The following PIWIL2 variants were observed in gnomAD, a reference collection of about 807,000 sequenced individuals.
PIWIL2 encodes the protein piwi-like protein 2.
A neutral mutation model predicts 116.5 loss-of-function variants in PIWIL2; 81 were observed. That is an observed-to-expected ratio of 0.70 (90% confidence interval 0.58 to 0.84). The LOEUF is 0.84. Ranked by LOEUF, PIWIL2 falls within the 40% of genes least tolerant of loss-of-function variation. The probability of loss-of-function intolerance (pLI) is 0.00; values close to 1 mark genes in which losing one functional copy is unlikely to be tolerated. For synonymous variants in PIWIL2, 489 were observed against 429.5 expected (o/e 1.14, Z -1.71); for missense variants, 1,272 against 1,212.3 (o/e 1.05, Z -0.73).
At chr8:22,346,254 G>C (rs1586598276) in intron 20 of PIWIL2, among the ~76,000 whole-genome samples, 1 of 152,096 alleles carries the variant, frequency 6.6e-6, no homozygotes, top group South Asian at 2.1e-4. Context: ...TAAATAAAAG[G>C]ATGAGTTTTA....
At chr8:22,315,169 G>T (rs752326718) in intron 18 of PIWIL2, 24 bp downstream of exon 18, 1 of 1,274,458 alleles carries the variant, frequency 7.8e-7, no homozygotes, top group Non-Finnish European at 1.1e-6. Flanking sequence ...AGATGGTTCA[G>T]TTTGCCTCTC....
intron 20 of PIWIL2, among the ~76,000 whole-genome samples, chr8:22,335,368 C>G (rs907807174): frequency 2.0e-5 from 3 of 151,926 alleles, no homozygotes; most frequent in African/African-American, 7.3e-5. Context: ...GTCTGTAGTC[C>G]TATTTATTTT....
At chr8:22,281,326 T>C in intron 3 of PIWIL2, 51 bp from the exon 4 acceptor site, 1 of 1,577,880 alleles carries the variant, frequency 6.3e-7, no homozygotes, top group African/African-American at 1.4e-5. Flanking sequence ...AACTATACTT[T>C]AAAACACGTT....
At chr8:22,321,823 T>G (rs4872467) in intron 20 of PIWIL2, 980,063 of 981,556 alleles carry the variant, frequency 1, 489,306 homozygotes, top group Non-Finnish European at 1. Flanking sequence ...GGACTCCCCA[T>G]TTTTATTAAT....
intron 10 of PIWIL2, among the ~76,000 whole-genome samples, chr8:22,291,135 A>AT (rs999774349): frequency 3.5e-4 from 52 of 147,736 alleles, no homozygotes; most frequent in African/African-American, 1.1e-3. Flanking sequence ...TGTCCGGCTA[A>AT]TTTTTTTTTC....
chr8:22,308,734 T>C (rs1831250843), intron 14 of PIWIL2, among the ~76,000 whole-genome samples: 2 of 152,198 alleles, frequency 1.3e-5, no homozygotes, highest in Admixed American at 1.3e-4. Context: ...ATTTATTTTT[T>C]TGAGACGGAT....
At chr8:22,350,266 T>C (rs1354270877) in intron 20 of PIWIL2, among the ~76,000 whole-genome samples, 1 of 151,920 alleles carries the variant, frequency 6.6e-6, no homozygotes, top group Non-Finnish European at 1.5e-5. Context: ...TGAGAAAAGA[T>C]GGAGTAGATG....
intron 20 of PIWIL2, among the ~76,000 whole-genome samples, chr8:22,352,261 A>G (rs756830022): frequency 3.3e-5 from 5 of 152,258 alleles, no homozygotes; most frequent in Non-Finnish European, 7.3e-5. Context: ...GAATTATTGA[A>G]GTTGAACACA....
intron 12 of PIWIL2, among the ~76,000 whole-genome samples, chr8:22,305,257 A>G (rs1180798276): frequency 1.3e-5 from 2 of 151,888 alleles, no homozygotes; most frequent in South Asian, 2.1e-4. Flanking sequence ...CAGCAGCGCA[A>G]TCTCAGCTCA....
At chr8:22,310,421 G>C (rs959385180) in intron 15 of PIWIL2, among the ~76,000 whole-genome samples, 3 of 152,096 alleles carry the variant, frequency 2.0e-5, no homozygotes, top group Non-Finnish European at 4.4e-5. Flanking sequence ...GATTAAAACA[G>C]TACCTCACCT....
chr8:22,286,441 T>C (rs1830630569), intron 6 of PIWIL2, among the ~76,000 whole-genome samples: 2 of 151,972 alleles, frequency 1.3e-5, no homozygotes, highest in Admixed American at 6.6e-5. Flanking sequence ...TGGGGGAAAT[T>C]GGATCCCAGG....
chr8:22,351,264 G>A (rs1391129988), intron 20 of PIWIL2, among the ~76,000 whole-genome samples: 1 of 150,700 alleles, frequency 6.6e-6, no homozygotes, highest in Non-Finnish European at 1.5e-5. Context: ...AGCTGCAGTG[G>A]CTATGATTAC....
At chr8:22,289,152 C>CTTTTTT (rs374688951) in intron 8 of PIWIL2, among the ~76,000 whole-genome samples, 2 of 135,284 alleles carry the variant, frequency 1.5e-5, no homozygotes, top group Admixed American at 7.5e-5. Context: ...TTTCTTTTTT[C>CTTTTTT]TTTTTTTTTT....
In PIWIL2 at chr8:22,355,585, C is replaced by T. The variant is rs1832471939; in HGVS notation, c.*80C>T. 1.6e-6 allele frequency: 2 copies of T among 1,247,944 alleles called. No individual in the cohort carries two copies. Among genetic ancestry groups the T allele is most frequent in the Non-Finnish European group, 2.3e-6 (2 of 876,646 alleles). The allele number at this position is 1,247,944 out of a possible 1,614,324, so 77.3% of individuals were successfully genotyped here. A position where few individuals can be genotyped will look rare whatever the true frequency, so the allele number is the denominator to read the frequency against. ...GTGACTCTTGCAGAATCAACAGAGA[C>T]TGAAGTGGGCTTTTGTGTTATAATT... is the stretch of plus-strand genomic sequence containing the variant. On this transcript the variant is annotated 3_prime_UTR_variant, in exon 23 of 23. Coordinates refer to ENST00000356766, the MANE Select transcript of PIWIL2 (RefSeq NM_018068.5).
intron 20 of PIWIL2, 44 bp downstream of exon 20, chr8:22,318,319 TTTTA>T: frequency 1.7e-6 from 2 of 1,147,338 alleles, no homozygotes; most frequent in Non-Finnish European, 2.6e-6. Flanking sequence ...TTTTTTGTTT[TTTTA>T]TTTTTTTTTT....
rs556341027 is a variant in PIWIL2 at position 22,348,201 on chromosome 8, G to A, written c.2404-4758G>A. On this transcript the variant is annotated intron_variant, in intron 20 of 22. Transcript: ENST00000356766. ...CTGTAATCCCAGCTACTCGGGGGCC[G>A]AGGCAGGAGAATCGCTTGAACCCGG... Among the ~76,000 whole-genome samples the A allele has an allele frequency of 2.7e-4, 41 of 152,068 alleles. 2 individuals are homozygous for A. The highest frequency in any genetic ancestry group is 2.3e-3 in the South Asian group (11 of 4,806).
rs1299496332 is a variant in PIWIL2 at position 22,356,487 on chromosome 8, CCA to C, written c.*983_*984del. 6.6e-6 allele frequency: 1 copy of C among 152,080 alleles called. No individual in the cohort carries two copies. The highest frequency in any genetic ancestry group is 6.6e-5 in the Admixed American group (1 of 15,256). The allele number at this position is 152,080 out of a possible 1,614,324, so 9.4% of individuals were successfully genotyped here. On this transcript the variant is annotated 3_prime_UTR_variant, in exon 23 of 23. Transcript: ENST00000356766. ...CCAGCATACCATGACGATTTCTTCC[CCA>C]AATATACACATGCTCTTTTGCTCTT...
At position 22,288,621 on chromosome 8, in the gene PIWIL2, C is replaced by A. The variant is rs781230890; in HGVS notation, c.941C>A (p.Pro314His). 6.2e-6 allele frequency: 10 copies of A among 1,613,402 alleles called. No homozygotes were observed. Among genetic ancestry groups the A allele is most frequent in the Non-Finnish European group, 8.5e-6 (10 of 1,179,514 alleles). ...ATTCAGATGACAAAGATCCTGGAGCCCTGCTCTGACCTGTGCATTCCCTTC... is the reference window on the plus strand; with the variant it reads ...ATTCAGATGACAAAGATCCTGGAGCACTGCTCTGACCTGTGCATTCCCTTC... ...IKIQMTKILE[P>H]CSDLCIPFYN... The change falls in exon 8 of 23, where the codon CCC becomes CAC. Residue 314 changes from proline to histidine, a missense_variant. Transcript: ENST00000356766.
chr8:22,353,266 A>T, intron 21 of PIWIL2, 54 bp downstream of exon 21: 1 of 1,512,908 alleles, frequency 6.6e-7, no homozygotes, highest in Non-Finnish European at 9.1e-7. Flanking sequence ...AGATGTTGTC[A>T]CTTTCCTGAG....
Sources: gnomAD v4.1 joint callset for allele counts (sites outside exome capture counted in the v4.1 genomes callset) on GRCh38, gnomAD v4.1.1 for gene constraint, MANE v1.5 for transcripts, NCBI Gene and HGNC (gene_info 2026-07-23, HGNC 2026-07-21) for gene names.